YPEL1: variants seen among roughly 807,000 people sequenced by gnomAD.
The protein encoded by YPEL1 is yippee like 1, also known as protein yippee-like 1.
YPEL1 carries 7 observed loss-of-function variants against 17.3 expected under a neutral mutation model. The observed-to-expected ratio is 0.40, with a 90% CI of 0.23 to 0.76. The LOEUF (loss-of-function observed/expected upper bound fraction) is 0.76. Ranked by LOEUF, YPEL1 falls within the 30% of genes least tolerant of loss-of-function variation. The pLI is 0.35. For synonymous variants in YPEL1, 59 were observed against 59.6 expected (o/e 0.99, Z 0.05); for missense variants, 91 against 155.5 (o/e 0.59, Z 2.21).
intron 1 of YPEL1, among the ~76,000 whole-genome samples, chr22:21,718,600 C>T (rs769623545): frequency 2.0e-5 from 3 of 152,172 alleles, no homozygotes; most frequent in African/African-American, 4.8e-5. Context: ...AGCTCTGCAG[C>T]GCCTGGAGAA....
chr22:21,717,501 G>A (rs1482672065), intron 1 of YPEL1, among the ~76,000 whole-genome samples: 1 of 152,102 alleles, frequency 6.6e-6, no homozygotes, highest in Admixed American at 6.6e-5. Flanking sequence ...GAAGAAAATG[G>A]GGTAGAGGCG....
intron 2 of YPEL1, among the ~76,000 whole-genome samples, chr22:21,706,703 G>C (rs1283832290): frequency 6.6e-6 from 1 of 151,910 alleles, no homozygotes; most frequent in Non-Finnish European, 1.5e-5. Flanking sequence ...AAAATTAGCA[G>C]GGCATGGTGG....
At chr22:21,708,178 G>C (rs566497851) in intron 2 of YPEL1, among the ~76,000 whole-genome samples, 4 of 151,944 alleles carry the variant, frequency 2.6e-5, no homozygotes, top group African/African-American at 7.3e-5. Flanking sequence ...CACTCTAGTC[G>C]TCATCTTGCC....
chr22:21,707,005 T>C (rs1385606546), intron 2 of YPEL1, among the ~76,000 whole-genome samples: 2 of 152,090 alleles, frequency 1.3e-5, no homozygotes, highest in Non-Finnish European at 1.5e-5. Flanking sequence ...GATGCCAAAC[T>C]ACTAACAGTG....
intron 4 of YPEL1, 122 bp from the exon 5 acceptor site, chr22:21,701,340 C>T (rs1189798470): frequency 7.4e-6 from 5 of 674,182 alleles, no homozygotes; most frequent in Admixed American, 2.5e-5. Flanking sequence ...GTTCCCTGAG[C>T]GGTGCACTCA....
chr22:21,702,193 G>A (rs917828126), intron 4 of YPEL1, among the ~76,000 whole-genome samples: 2 of 152,210 alleles, frequency 1.3e-5, no homozygotes, highest in Admixed American at 6.5e-5. Context: ...AGCCCCAGGT[G>A]TGGCAGACAC....
chr22:21,714,191 T>C (rs2068199009), intron 1 of YPEL1, among the ~76,000 whole-genome samples: 1 of 152,202 alleles, frequency 6.6e-6, no homozygotes, highest in Non-Finnish European at 1.5e-5. Context: ...ACTGAAGATG[T>C]GTGTGGGCAG....
chr22:21,724,587 T>G (rs199960486), intron 1 of YPEL1, among the ~76,000 whole-genome samples: 2 of 117,438 alleles, frequency 1.7e-5, no homozygotes, highest in African/African-American at 6.3e-5. Context: ...TTTTTTTTTT[T>G]GTTTTTGTTT....
chr22:21,699,230 G>C lies in YPEL1; in HGVS notation c.*1899C>G, dbSNP rs2068038937. On this transcript the variant is annotated 3_prime_UTR_variant, in exon 5 of 5. Coordinates refer to ENST00000339468, the MANE Select transcript of YPEL1 (RefSeq NM_013313.5). ...GTGGCCACGTTCTTATTGTCAGCCA[G>C]CTCGCACTCTTGCCCCTAGACTAGC... 1 of 152,406 alleles carries C rather than the reference G, an allele frequency of 6.6e-6. No individual in the cohort carries two copies. Among genetic ancestry groups the C allele is most frequent in the African/African-American group, 2.4e-5 (1 of 41,462 alleles). The allele number at this position is 152,406 out of a possible 1,614,324, so 9.4% of individuals were successfully genotyped here.
At chr22:21,724,823 A>C (rs919132392) in intron 1 of YPEL1, among the ~76,000 whole-genome samples, 1 of 151,632 alleles carries the variant, frequency 6.6e-6, no homozygotes, top group South Asian at 2.1e-4. Context: ...CGGGCCATCC[A>C]CCCACCTTGG....
intron 4 of YPEL1, among the ~76,000 whole-genome samples, chr22:21,702,440 G>A (rs1474680469): frequency 2.6e-5 from 4 of 152,184 alleles, no homozygotes; most frequent in African/African-American, 9.7e-5. Flanking sequence ...CAGGAATTCA[G>A]GAAAGAGGCA....
In YPEL1 at chr22:21,708,538, C is replaced by A. The variant is rs1228234481; in HGVS notation, c.117+2090G>T. 2.0e-5 allele frequency among the ~76,000 whole-genome samples: 3 copies of A among 151,216 alleles called. No individual in the cohort carries two copies. The East Asian group carries it at 5.8e-4, about 29-fold the overall frequency. On this transcript the variant is annotated intron_variant, in intron 2 of 4. Transcript: ENST00000339468. ...CTTTATTAATAGAGACAGTGTTTTA[C>A]CATGTTGGCCATGCTGGTCTTGAAC...
rs1180671395 is a variant in YPEL1, at chr22:21,731,539, G to GAAAA, written c.-165+4072_-165+4075dup. ...CCTGTCTTGGGGCAAGAGAAGGGGGGAAAAAAAAAAAAAAAAACAGATACA... is the reference window on the plus strand; with the variant it reads ...CCTGTCTTGGGGCAAGAGAAGGGGGGAAAAAAAAAAAAAAAAAAAAACAGATACA... On this transcript the variant is annotated intron_variant, in intron 1 of 4. Transcript: ENST00000339468. Among the ~76,000 whole-genome samples the GAAAA allele has an allele frequency of 1.9e-4, 27 of 143,394 alleles. 2 individuals carry two copies. Among genetic ancestry groups the GAAAA allele is most frequent in the East Asian group, 8.1e-4 (4 of 4,918 alleles). 94.1% of individuals were successfully genotyped at this position (143,394 alleles called of 152,430 possible).
chr22:21,730,010 G>A (rs1264720450), intron 1 of YPEL1, among the ~76,000 whole-genome samples: 2 of 151,692 alleles, frequency 1.3e-5, no homozygotes, highest in Non-Finnish European at 2.9e-5. Flanking sequence ...AAATTAGCTC[G>A]GTGTGGTGGT....
chr22:21,716,202 C>T (rs1030907737), intron 1 of YPEL1, among the ~76,000 whole-genome samples: 1 of 152,140 alleles, frequency 6.6e-6, no homozygotes. Context: ...AGCCACCGCG[C>T]CCAGACTAAA....
At chr22:21,717,699 A>G (rs761926569) in intron 1 of YPEL1, among the ~76,000 whole-genome samples, 22 of 152,252 alleles carry the variant, frequency 1.4e-4, no homozygotes, top group Non-Finnish European at 2.4e-4. Context: ...GAGGAAGGAA[A>G]AATGACCTGT....
At position 21,702,744 on chromosome 22, in the gene YPEL1, C is replaced by CA. The variant is rs529439595; in HGVS notation, c.270+625dup. ...GAGGGGAGGACTCGGCCACGAAGGT[C>CA]AGAGAGAGTGGAGCCTGGAAGAGAG... On this transcript the variant is annotated intron_variant, in intron 4 of 4. Coordinates refer to ENST00000339468, the MANE Select transcript of YPEL1 (RefSeq NM_013313.5). Among the ~76,000 whole-genome samples, 92 of 152,212 alleles carry CA rather than the reference C, an allele frequency of 6.0e-4. 1 individual carries two copies. The highest frequency in any genetic ancestry group is 1.9e-3 in the African/African-American group (78 of 41,520).
At position 21,703,812 on chromosome 22, in the gene YPEL1, C is replaced by G. The variant is rs753527608; in HGVS notation, c.161+27G>C. 1 of 1,605,002 alleles carries G rather than the reference C, an allele frequency of 6.2e-7. No homozygotes were observed. The highest frequency in any genetic ancestry group is 8.5e-7 in the Non-Finnish European group (1 of 1,175,560). Reference sequence around the variant, plus strand: ...AGGCCGTCCCAGGGCCCGTGCCGCTCCCCCCGGGCTGAACCAGGGTACTCA... The same window carrying G: ...AGGCCGTCCCAGGGCCCGTGCCGCTGCCCCCGGGCTGAACCAGGGTACTCA... On this transcript the variant is annotated intron_variant, in intron 3 of 4. Coordinates refer to ENST00000339468, the MANE Select transcript of YPEL1 (RefSeq NM_013313.5). The surrounding 1 kb of genome is among the most constrained non-coding windows in gnomAD (Gnocchi z 6.1).
chr22:21,734,132 A>C (rs1287539392), intron 1 of YPEL1, among the ~76,000 whole-genome samples: 1 of 152,222 alleles, frequency 6.6e-6, no homozygotes, highest in East Asian at 1.9e-4. Flanking sequence ...AGGCAAGAGG[A>C]TCACTTGGGC....
Sources: allele counts gnomAD v4.1 joint callset (sites outside exome capture counted in the v4.1 genomes callset), GRCh38; gene constraint gnomAD v4.1.1; non-coding constraint Gnocchi (gnomAD v3.1); transcripts MANE v1.5; gene names NCBI Gene and HGNC (gene_info 2026-07-23, HGNC 2026-07-21).